Variants in RXRA observed in about 807,000 individuals in gnomAD.
RXRA encodes retinoid X receptor alpha, also known as retinoic acid receptor RXR-alpha.
RXRA carries 5 observed loss-of-function variants against 44.5 expected under a neutral mutation model. The ratio of observed to expected loss-of-function variants is 0.11; its 90% CI spans 0.06 to 0.24. The LOEUF is 0.24. RXRA is among the 10% of genes least tolerant of loss of function. RXRA has a pLI of 1.00. For synonymous variants in RXRA, 291 were observed against 271.4 expected, an observed-to-expected ratio of 1.07 and a Z score of -0.71; for missense variants, 412 against 646.5, an observed-to-expected ratio of 0.64 and a Z score of 3.93.
At chr9:134,388,433 T>TCA (rs969179800) in intron 1 of RXRA, among the ~76,000 whole-genome samples, 12 of 152,236 alleles carry the variant, frequency 7.9e-5, no homozygotes, top group African/African-American at 2.2e-4. Context: ...TGTTCTGCTC[T>TCA]CACGCAGGAG....
At chr9:134,344,852 C>T (rs1359423459) in intron 1 of RXRA, among the ~76,000 whole-genome samples, 1 of 152,236 alleles carries the variant, frequency 6.6e-6, no homozygotes, top group African/African-American at 2.4e-5. Context: ...CACTGGGCTT[C>T]CTGTCCCAAC....
intron 1 of RXRA, among the ~76,000 whole-genome samples, chr9:134,333,617 G>A (rs1835042595): frequency 6.6e-6 from 1 of 152,164 alleles, no homozygotes; most frequent in Non-Finnish European, 1.5e-5. Flanking sequence ...TGCGGCCGCC[G>A]GCTGTAATGA....
In RXRA at chr9:134,407,535, CGGGTGGGGCGGA is replaced by C. The variant is rs1315483808; in HGVS notation, c.280-610_280-599del. On this transcript the variant is annotated intron_variant, in intron 2 of 9. Coordinates refer to ENST00000481739, the MANE Select transcript of RXRA (RefSeq NM_002957.6). This position sits in a 1 kb window ranked among gnomAD's most constrained non-coding sequence, Gnocchi z 4.8. The stretch of plus-strand genomic sequence containing the variant: ...GCCCGGGCGGCAGCGTGCGGGCCGG[CGGGTGGGGCGGA>C]GGGGTGTGCAGAGAGGCCAGTGGTG... Among the ~76,000 whole-genome samples, 2 of 152,246 alleles carry C rather than the reference CGGGTGGGGCGGA, an allele frequency of 1.3e-5. No individual in the cohort carries two copies. The highest frequency in any genetic ancestry group is 3.9e-4 in the East Asian group (2 of 5,166).
At position 134,384,914 on chromosome 9, in the gene RXRA, G is replaced by A. The variant is rs564531902; in HGVS notation, c.29-16718G>A. The stretch of plus-strand genomic sequence containing the variant: ...TTTCAGACGGGTGTGAGCATGTGGG[G>A]GTGCCATCACAGGAGACTTCTGGTT... On this transcript the variant is annotated intron_variant, in intron 1 of 9. Transcript: ENST00000481739. Among the ~76,000 whole-genome samples the A allele has an allele frequency of 1.6e-3, 248 of 152,306 alleles. 1 individual carries two copies. Among genetic ancestry groups the A allele is most frequent in the Middle Eastern group, 0.014 (4 of 294 alleles).
intron 6 of RXRA, chr9:134,422,772 G>A: frequency 1.0e-6 from 1 of 985,472 alleles, no homozygotes; most frequent in South Asian, 4.7e-5. Flanking sequence ...TCATAAGGAG[G>A]TGTACCATGC....
At chr9:134,432,058 C>T in intron 8 of RXRA, 62 bp downstream of exon 8, 4 of 1,327,600 alleles carry the variant, frequency 3.0e-6, no homozygotes, top group Admixed American at 1.8e-5. Context: ...GGTGCCTGGG[C>T]CTCCTCCTGG....
At chr9:134,361,030 G>A (rs1450348871) in intron 1 of RXRA, among the ~76,000 whole-genome samples, 1 of 152,234 alleles carries the variant, frequency 6.6e-6, no homozygotes, top group Non-Finnish European at 1.5e-5. Context: ...TCGGAGCCCG[G>A]ATGTGGCGAG....
chr9:134,402,806 A>T (rs961853532), intron 2 of RXRA: 4 of 152,142 alleles, frequency 2.6e-5, no homozygotes, highest in African/African-American at 9.7e-5. Flanking sequence ...TCACATGAGC[A>T]GGGGTGCTCC....
chr9:134,413,562 C>G (rs922498344), intron 4 of RXRA, among the ~76,000 whole-genome samples: 1 of 152,126 alleles, frequency 6.6e-6, no homozygotes, highest in Non-Finnish European at 1.5e-5. Context: ...TGGTGGAGTT[C>G]GGTCCTGCCT....
intron 1 of RXRA, among the ~76,000 whole-genome samples, chr9:134,357,208 C>T (rs773221112): frequency 3.3e-5 from 5 of 152,308 alleles, no homozygotes; most frequent in Admixed American, 6.5e-5. Flanking sequence ...GCGTCTAGGG[C>T]GGTTGGACAG....
chr9:134,420,829 C>A (rs771592644), intron 5 of RXRA, among the ~76,000 whole-genome samples: 14 of 152,222 alleles, frequency 9.2e-5, no homozygotes, highest in Non-Finnish European at 1.5e-4. Context: ...CTGCCCTGTT[C>A]AAGGCTGCCT....
At chr9:134,329,337 C>A (rs185111900) in intron 1 of RXRA, among the ~76,000 whole-genome samples, 1 of 152,250 alleles carries the variant, frequency 6.6e-6, no homozygotes, top group South Asian at 2.1e-4. Flanking sequence ...TCGGGCCTGA[C>A]GAGGGCGTCT....
chr9:134,398,904 C>A (rs1830919915), intron 1 of RXRA, among the ~76,000 whole-genome samples: 1 of 152,240 alleles, frequency 6.6e-6, no homozygotes, highest in Admixed American at 6.5e-5. Context: ...CTCCCAGGTG[C>A]TCCCAGGGCT....
chr9:134,341,599 T>C (rs1172609643), intron 1 of RXRA, among the ~76,000 whole-genome samples: 6 of 152,216 alleles, frequency 3.9e-5, no homozygotes, highest in Non-Finnish European at 5.9e-5. Context: ...GGCCAGGACC[T>C]TGGAGGAGGC....
chr9:134,424,401 C>T (rs1831400473), intron 6 of RXRA: 1 of 985,306 alleles, frequency 1.0e-6, no homozygotes, highest in Non-Finnish European at 1.2e-6. Flanking sequence ...CCAGCCTGAC[C>T]TCCCCCTGGG....
chr9:134,435,357 C>T (rs1831601373), intron 9 of RXRA, among the ~76,000 whole-genome samples: 1 of 152,130 alleles, frequency 6.6e-6, no homozygotes, highest in Non-Finnish European at 1.5e-5. Context: ...GCCCTGCTAT[C>T]CCTCTTCCCA....
intron 1 of RXRA, among the ~76,000 whole-genome samples, chr9:134,337,914 C>T (rs558211113): frequency 2.6e-5 from 4 of 152,260 alleles, no homozygotes; most frequent in East Asian, 3.9e-4. Flanking sequence ...TTCAGGTGGC[C>T]GCGTGCCAGC....
chr9:134,420,958 C>T (rs1177416205), intron 5 of RXRA, among the ~76,000 whole-genome samples: 2 of 152,244 alleles, frequency 1.3e-5, no homozygotes, highest in African/African-American at 2.4e-5. Flanking sequence ...TCCTGCCCTC[C>T]TGAGCTCCCA....
At chr9:134,389,894 T>C (rs1830775046) in intron 1 of RXRA, among the ~76,000 whole-genome samples, 1 of 152,200 alleles carries the variant, frequency 6.6e-6, no homozygotes, top group Non-Finnish European at 1.5e-5. Flanking sequence ...TCTCAGGTTC[T>C]TGGGGCTGGG....
Sources: gnomAD v4.1 joint callset for allele counts (sites outside exome capture counted in the v4.1 genomes callset) on GRCh38, gnomAD v4.1.1 for gene constraint, Gnocchi (gnomAD v3.1) non-coding constraint, MANE v1.5 for transcripts, NCBI Gene and HGNC (gene_info 2026-07-23, HGNC 2026-07-21) for gene names.